GPC5: variants seen among roughly 807,000 people sequenced by gnomAD.
GPC5 encodes glypican 5.
GPC5 carries 47 observed loss-of-function variants against 53.9 expected under a neutral mutation model. The observed-to-expected ratio is 0.87, with a 90% CI of 0.69 to 1.11. The LOEUF (loss-of-function observed/expected upper bound fraction) is 1.11, where lower values mean the gene tolerates loss of function less well. Among genes scored for constraint, GPC5 ranks in the 50% most tolerant of loss-of-function variants. The pLI is 0.00. For missense variants in GPC5, 748 were observed against 713.1 expected, an observed-to-expected ratio of 1.05 and a Z score of -0.56; for synonymous variants, 286 against 263.3, an observed-to-expected ratio of 1.09 and a Z score of -0.84.
At chr13:92,534,165 T>G (rs1280371696) in intron 7 of GPC5, among the ~76,000 whole-genome samples, 1 of 152,078 alleles carries the variant, frequency 6.6e-6, no homozygotes, top group Non-Finnish European at 1.5e-5. Flanking sequence ...TGCCACTCTG[T>G]TGTCCCAGCT....
At chr13:92,347,800 G>A (rs1224496150) in intron 7 of GPC5, among the ~76,000 whole-genome samples, 2 of 122,690 alleles carry the variant, frequency 1.6e-5, no homozygotes. Context: ...AGGAGCAAAA[G>A]TGTGGAGTTG....
chr13:92,800,495 T>C (rs1361941057), intron 7 of GPC5, among the ~76,000 whole-genome samples: 1 of 151,896 alleles, frequency 6.6e-6, no homozygotes, highest in East Asian at 1.9e-4. Flanking sequence ...CATGTTGTGG[T>C]AAAAGCATTC....
chr13:92,729,047 T>C (rs1888727221), intron 7 of GPC5, among the ~76,000 whole-genome samples: 1 of 151,240 alleles, frequency 6.6e-6, no homozygotes. Flanking sequence ...CCTCTGCCCA[T>C]TCTGCACAAT....
intron 2 of GPC5, among the ~76,000 whole-genome samples, chr13:91,469,734 A>T (rs571115753): frequency 3.9e-5 from 6 of 152,258 alleles, no homozygotes; most frequent in African/African-American, 1.4e-4. Context: ...AAAAATTCAG[A>T]TTCATCTTTT....
At chr13:91,723,600 C>G (rs571170408) in intron 3 of GPC5, among the ~76,000 whole-genome samples, 2 of 152,082 alleles carry the variant, frequency 1.3e-5, no homozygotes, top group Non-Finnish European at 2.9e-5. Flanking sequence ...TTAACTTCTT[C>G]ATTCTTACCT....
chr13:92,765,773 C>T (rs1055283275), intron 7 of GPC5, among the ~76,000 whole-genome samples: 3 of 152,044 alleles, frequency 2.0e-5, no homozygotes, highest in Non-Finnish European at 4.4e-5. Context: ...AAGCACTGTA[C>T]TAGGTCAGAA....
chr13:91,915,504 T>C (rs2039649678), intron 6 of GPC5, among the ~76,000 whole-genome samples: 1 of 152,178 alleles, frequency 6.6e-6, no homozygotes, highest in Non-Finnish European at 1.5e-5. Context: ...TTGTGTTGGA[T>C]AAAAATTTGA....
chr13:91,725,776 G>A (rs2036563788), intron 3 of GPC5, among the ~76,000 whole-genome samples: 1 of 152,122 alleles, frequency 6.6e-6, no homozygotes, highest in African/African-American at 2.4e-5. Context: ...ACGAGGGAGG[G>A]ACAGGATGAG....
At chr13:91,994,393 T>C (rs1594712206) in intron 6 of GPC5, 1 of 152,342 alleles carries the variant, frequency 6.6e-6, no homozygotes, top group East Asian at 1.9e-4. Context: ...TGTTGGGCCA[T>C]CATGGATTTT....
intron 3 of GPC5, among the ~76,000 whole-genome samples, chr13:91,702,012 C>T (rs773183425): frequency 2.0e-5 from 3 of 152,072 alleles, no homozygotes; most frequent in Admixed American, 6.5e-5. Flanking sequence ...AATAATATCT[C>T]ATTGTGGTTT....
intron 7 of GPC5, among the ~76,000 whole-genome samples, chr13:92,453,855 C>G (rs1443036812): frequency 6.6e-6 from 1 of 152,036 alleles, no homozygotes; most frequent in Non-Finnish European, 1.5e-5. Flanking sequence ...TTAAAATTAC[C>G]TTTTCCTTGT....
intron 7 of GPC5, among the ~76,000 whole-genome samples, chr13:92,297,438 T>C (rs1183959236): frequency 7.4e-6 from 1 of 135,668 alleles, no homozygotes; most frequent in East Asian, 2.3e-4. Flanking sequence ...AGAACCTTTA[T>C]GTCTAGCTCA....
intron 7 of GPC5, among the ~76,000 whole-genome samples, chr13:92,743,902 T>C (rs924606734): frequency 2.0e-5 from 3 of 152,194 alleles, no homozygotes; most frequent in Non-Finnish European, 4.4e-5. Context: ...GATTTGCATA[T>C]GTTGAACCAG....
At chr13:92,303,808 A>C (rs901594828) in intron 7 of GPC5, among the ~76,000 whole-genome samples, 13 of 152,356 alleles carry the variant, frequency 8.5e-5, no homozygotes, top group African/African-American at 2.9e-4. Flanking sequence ...ACAAATACTC[A>C]TTGTCCACTT....
chr13:92,174,069 C>T (rs1401011322), intron 7 of GPC5, among the ~76,000 whole-genome samples: 1 of 152,074 alleles, frequency 6.6e-6, no homozygotes, highest in Non-Finnish European at 1.5e-5. Flanking sequence ...GAAACCACTG[C>T]ACTCTAGCCT....
At chr13:92,852,732 G>A (rs975658712) in intron 7 of GPC5, among the ~76,000 whole-genome samples, 1 of 152,082 alleles carries the variant, frequency 6.6e-6, no homozygotes, top group Admixed American at 6.5e-5. Flanking sequence ...CACTGTGCCT[G>A]GTCCCCAGAC....
chr13:92,504,205 A>T (rs1880284489), intron 7 of GPC5, among the ~76,000 whole-genome samples: 1 of 151,978 alleles, frequency 6.6e-6, no homozygotes, highest in South Asian at 2.1e-4. Context: ...CACAAAATGA[A>T]CTACATTTCT....
At chr13:92,592,721 C>T (rs1883753122) in intron 7 of GPC5, among the ~76,000 whole-genome samples, 1 of 151,128 alleles carries the variant, frequency 6.6e-6, no homozygotes, top group African/African-American at 2.4e-5. Flanking sequence ...TCATAAGCAG[C>T]AAAGAGTGCC....
At chr13:91,441,665 A>C (rs1594095681) in intron 1 of GPC5, among the ~76,000 whole-genome samples, 1 of 152,306 alleles carries the variant, frequency 6.6e-6, no homozygotes, top group African/African-American at 2.4e-5. Flanking sequence ...TTCTATATTA[A>C]TGGTCTTAAG....
Sources: gnomAD v4.1 joint callset for allele counts (sites outside exome capture counted in the v4.1 genomes callset) on GRCh38, gnomAD v4.1.1 for gene constraint, MANE v1.5 for transcripts, NCBI Gene and HGNC (gene_info 2026-07-23, HGNC 2026-07-21) for gene names.